The following MMP26 variants were observed in gnomAD, a reference collection of about 807,000 sequenced individuals.
MMP26 encodes the protein matrix metallopeptidase 26.
Under a neutral mutation model 31.0 loss-of-function variants are expected in MMP26, and 33 were observed. The ratio of observed to expected loss-of-function variants is 1.06; its 90% confidence interval spans 0.81 to 1.42. MMP26 has a LOEUF of 1.42. Among genes scored for constraint, MMP26 ranks in the 40% most tolerant of loss-of-function variants. The probability of loss-of-function intolerance (pLI) is 0.00; values close to 1 mark genes in which losing one functional copy is unlikely to be tolerated. For missense variants in MMP26, 347 were observed against 316.1 expected, an observed-to-expected ratio of 1.10 and a Z score of -0.74; for synonymous variants, 122 against 114.9, an observed-to-expected ratio of 1.06 and a Z score of -0.40.
At chr11:4,944,012 C>A in intron 2 of MMP26, 1 of 423,422 alleles carries the variant, frequency 2.4e-6, no homozygotes, top group Admixed American at 2.8e-5. Flanking sequence ...CCTATCCGCA[C>A]ACTGGGAGAA....
intron 1 of MMP26, chr11:4,709,466 A>G (rs1358041336): frequency 2.8e-6 from 1 of 354,830 alleles, no homozygotes; most frequent in Non-Finnish European, 5.5e-6. Context: ...TTCTCTAGTG[A>G]TCACAAATTG....
At chr11:4,981,860 T>C (rs996439437) in intron 2 of MMP26, among the ~76,000 whole-genome samples, 21 of 151,954 alleles carry the variant, frequency 1.4e-4, no homozygotes, top group African/African-American at 4.3e-4. Flanking sequence ...TAGAAACTAA[T>C]ACATAAACAC....
chr11:4,838,315 TAAAAAAAAAAAAAA>T (rs540572047), intron 2 of MMP26, among the ~76,000 whole-genome samples: 27 of 27,404 alleles, frequency 9.9e-4, no homozygotes, highest in South Asian at 1.7e-3. Flanking sequence ...AGACTCTGTC[TAAAAAAAAAAAAAA>T]AAAAAAAAAA....
intron 1 of MMP26, among the ~76,000 whole-genome samples, chr11:4,713,110 A>C (rs1195089719): frequency 6.6e-6 from 1 of 151,996 alleles, no homozygotes; most frequent in Non-Finnish European, 1.5e-5. Context: ...TGTTTGTACC[A>C]TTCAGGTTGA....
rs1850587734 is a variant in MMP26, at chr11:4,889,499, A to G, written c.-144-98569A>G. ...AAAGGCCAACTGTGTATGAATAATT[A>G]AGACAAATAATGGTAAATAATTGAT... On this transcript the variant is annotated intron_variant, in intron 2 of 7. Transcript: ENST00000380390. The G allele has an allele frequency of 2.0e-5, 3 of 152,212 alleles. No homozygotes were observed. In the South Asian group the frequency reaches 6.2e-4, roughly 32 times the overall value. 9.4% of individuals were successfully genotyped at this position (152,212 alleles called of 1,614,324 possible). A position where few individuals can be genotyped will look rare whatever the true frequency, so the allele number is the denominator to read the frequency against.
At chr11:4,812,779 A>C (rs1849366953) in intron 2 of MMP26, among the ~76,000 whole-genome samples, 1 of 152,112 alleles carries the variant, frequency 6.6e-6, no homozygotes, top group Non-Finnish European at 1.5e-5. Flanking sequence ...ACAGGCTGTT[A>C]ATTTACATTG....
intron 2 of MMP26, chr11:4,832,417 T>A (rs1023190365): frequency 6.5e-6 from 1 of 152,946 alleles, no homozygotes; most frequent in Non-Finnish European, 1.5e-5. Flanking sequence ...TGGGGATTTC[T>A]GCTGATACAT....
In MMP26 at chr11:4,917,006, G is replaced by A. The variant is rs1403523175; in HGVS notation, c.-144-71062G>A. Among the ~76,000 whole-genome samples, 3 of 152,256 alleles carry A rather than the reference G, an allele frequency of 2.0e-5. No homozygotes were observed. The East Asian group carries it at 5.8e-4, about 29-fold the overall frequency. On this transcript the variant is annotated intron_variant, in intron 2 of 7. Transcript: ENST00000380390. ...GGGAAGAGGTCATATGCCAATTCAG[G>A]CCTCCTGACTTCCACAGCAGTGATC...
intron 5 of MMP26, 70 bp from the exon 6 acceptor site, chr11:4,991,301 T>C: frequency 6.5e-7 from 1 of 1,532,328 alleles, no homozygotes; most frequent in Non-Finnish European, 8.8e-7. Context: ...CTCTGAGGCT[T>C]ACTTAAGACT....
intron 1 of MMP26, among the ~76,000 whole-genome samples, chr11:4,706,601 A>T (rs71480712): frequency 1.7e-5 from 2 of 118,104 alleles, no homozygotes; most frequent in Admixed American, 1.6e-4. Flanking sequence ...AAAAAAAAAG[A>T]CAGAAAGAAA....
intron 2 of MMP26, among the ~76,000 whole-genome samples, chr11:4,967,076 A>G (rs1846605940): frequency 6.6e-6 from 1 of 152,224 alleles, no homozygotes; most frequent in South Asian, 2.1e-4. Flanking sequence ...GTTTATAACA[A>G]GTTGTCCAGC....
intron 2 of MMP26, among the ~76,000 whole-genome samples, chr11:4,808,584 A>G (rs1409371495): frequency 1.3e-5 from 2 of 151,964 alleles, no homozygotes; most frequent in Admixed American, 6.6e-5. Flanking sequence ...CTCCTCAGCC[A>G]TGTTTCAGCT....
chr11:4,986,907 C>CTCTCTT (rs1846899880), intron 2 of MMP26, among the ~76,000 whole-genome samples: 1 of 81,820 alleles, frequency 1.2e-5, no homozygotes, highest in Non-Finnish European at 2.4e-5. Context: ...TCCTTCCTTT[C>CTCTCTT]TCTCTCTCTC....
At chr11:4,814,295 A>T (rs1204000726) in intron 2 of MMP26, among the ~76,000 whole-genome samples, 3 of 152,212 alleles carry the variant, frequency 2.0e-5, no homozygotes, top group African/African-American at 2.4e-5. Flanking sequence ...ACGTCTAAAG[A>T]TGCTTATAGC....
intron 2 of MMP26, among the ~76,000 whole-genome samples, chr11:4,953,348 T>G (rs2133612497): frequency 8.0e-6 from 1 of 124,454 alleles, no homozygotes; most frequent in South Asian, 2.4e-4. Flanking sequence ...GTAGGAAAAA[T>G]TAAAGAAAAT....
At chr11:4,990,254 A>G (rs960236653) in intron 4 of MMP26, among the ~76,000 whole-genome samples, 8 of 152,190 alleles carry the variant, frequency 5.3e-5, no homozygotes, top group Admixed American at 2.0e-4. Context: ...AATGCTATAC[A>G]TTTTAATTTA....
chr11:4,797,401 G>A (rs1203908118), intron 2 of MMP26, among the ~76,000 whole-genome samples: 1 of 152,134 alleles, frequency 6.6e-6, no homozygotes, highest in Non-Finnish European at 1.5e-5. Context: ...TTCCTTTCCT[G>A]GAGCAACATT....
chr11:4,930,895 GT>G (rs2133590487), intron 2 of MMP26, among the ~76,000 whole-genome samples: 1 of 151,796 alleles, frequency 6.6e-6, no homozygotes, highest in South Asian at 2.1e-4. Flanking sequence ...TTGCAGCGTT[GT>G]TCTCAAATGT....
chr11:4,929,520 C>T (rs1851318249), intron 2 of MMP26, among the ~76,000 whole-genome samples: 1 of 152,098 alleles, frequency 6.6e-6, no homozygotes, highest in African/African-American at 2.4e-5. Context: ...AGTGCTTATG[C>T]ACAGCTGCTG....
Sources: gnomAD v4.1 joint callset for allele counts (sites outside exome capture counted in the v4.1 genomes callset) on GRCh38, gnomAD v4.1.1 for gene constraint, MANE v1.5 for transcripts, NCBI Gene and HGNC (gene_info 2026-07-23, HGNC 2026-07-21) for gene names.